CCBE1: variants seen among roughly 807,000 people sequenced by gnomAD.
CCBE1 encodes collagen and calcium-binding EGF domain-containing protein 1.
Under a neutral mutation model 50.0 loss-of-function variants are expected in CCBE1, and 37 were observed. The observed-to-expected ratio is 0.74, with a 90% confidence interval of 0.57 to 0.97. CCBE1 has a LOEUF of 0.97. Ranked by LOEUF, CCBE1 falls within the 50% of genes least tolerant of loss-of-function variation. The pLI is 0.00. For missense variants in CCBE1, 538 were observed against 523.8 expected (o/e 1.03, Z -0.26); for synonymous variants, 234 against 203.7 (o/e 1.15, Z -1.27).
chr18:59,543,291 C>T (rs1915540809), intron 2 of CCBE1, among the ~76,000 whole-genome samples: 1 of 152,150 alleles, frequency 6.6e-6, no homozygotes, highest in Non-Finnish European at 1.5e-5. Flanking sequence ...GAATTCTGTG[C>T]CAGGCCTCTG....
At chr18:59,659,713 C>T (rs142222751) in intron 2 of CCBE1, among the ~76,000 whole-genome samples, 2 of 152,140 alleles carry the variant, frequency 1.3e-5, no homozygotes, top group East Asian at 1.9e-4. Flanking sequence ...CCCAGTGACA[C>T]GTAGCTATGT....
intron 2 of CCBE1, among the ~76,000 whole-genome samples, chr18:59,569,437 C>T (rs2052875579): frequency 6.6e-6 from 1 of 152,144 alleles, no homozygotes; most frequent in Non-Finnish European, 1.5e-5. Flanking sequence ...TCATCAATTC[C>T]TTTATTTTTT....
chr18:59,519,581 A>C (rs1235796921), intron 2 of CCBE1, among the ~76,000 whole-genome samples: 1 of 152,230 alleles, frequency 6.6e-6, no homozygotes, highest in Non-Finnish European at 1.5e-5. Context: ...ATCCTTTGTC[A>C]GATGAATAGA....
At chr18:59,697,427 C>T, upstream of CCBE1, 5 of 1,496,304 alleles carry the variant, frequency 3.3e-6, 1 homozygote, top group South Asian at 6.4e-5. Context: ...CGCCTTCCCT[C>T]TTCCCGGCAG....
chr18:59,579,669 C>T (rs1599031041), intron 2 of CCBE1, among the ~76,000 whole-genome samples: 1 of 152,212 alleles, frequency 6.6e-6, no homozygotes, highest in Non-Finnish European at 1.5e-5. Flanking sequence ...ATGGTGGCAG[C>T]CACCTGCCTG....
chr18:59,585,235 C>G (rs974916557), intron 2 of CCBE1, among the ~76,000 whole-genome samples: 1 of 152,158 alleles, frequency 6.6e-6, no homozygotes, highest in Non-Finnish European at 1.5e-5. Flanking sequence ...GATGCCACCT[C>G]TACTCCCAAG....
chr18:59,466,251 G>A (rs1008627578), intron 5 of CCBE1, among the ~76,000 whole-genome samples: 1 of 151,858 alleles, frequency 6.6e-6, no homozygotes, highest in Admixed American at 6.6e-5. Context: ...ATTGAATCAT[G>A]GGGGCAGGTC....
chr18:59,503,298 G>C (rs949976341), intron 2 of CCBE1, among the ~76,000 whole-genome samples: 2 of 152,214 alleles, frequency 1.3e-5, no homozygotes, highest in African/African-American at 4.8e-5. Context: ...TACCATTTAC[G>C]TAGTGCATGT....
chr18:59,629,499 A>G (rs893148221), intron 2 of CCBE1, among the ~76,000 whole-genome samples: 10 of 152,108 alleles, frequency 6.6e-5, no homozygotes, highest in African/African-American at 2.4e-4. Flanking sequence ...TTCCTCAACC[A>G]CTGGACTTTT....
intron 2 of CCBE1, among the ~76,000 whole-genome samples, chr18:59,583,881 A>C (rs2144517521): frequency 6.6e-6 from 1 of 152,296 alleles, no homozygotes; most frequent in African/African-American, 2.4e-5. Flanking sequence ...GAGAAACAGC[A>C]ACACTTTTAC....
At chr18:59,489,640 T>C (rs1912997890) in intron 2 of CCBE1, among the ~76,000 whole-genome samples, 1 of 152,284 alleles carries the variant, frequency 6.6e-6, no homozygotes, top group South Asian at 2.1e-4. Flanking sequence ...CTCGAACTCC[T>C]GACATCAAGT....
intron 2 of CCBE1, among the ~76,000 whole-genome samples, chr18:59,605,442 C>T (rs1399977312): frequency 2.6e-5 from 4 of 152,122 alleles, no homozygotes; most frequent in Non-Finnish European, 4.4e-5. Context: ...CTCACCCTAC[C>T]AGGAGAAGGG....
intron 2 of CCBE1, among the ~76,000 whole-genome samples, chr18:59,570,991 G>A (rs2052904767): frequency 6.6e-6 from 1 of 152,174 alleles, no homozygotes; most frequent in East Asian, 1.9e-4. Flanking sequence ...TCCATCACAA[G>A]AGTAAGTCGA....
In CCBE1 at chr18:59,442,420, G is replaced by A. The variant is rs550370009; in HGVS notation, c.776-2604C>T. On this transcript the variant is annotated intron_variant, in intron 7 of 10. Coordinates refer to ENST00000439986, the MANE Select transcript of CCBE1 (RefSeq NM_133459.4). Reference sequence around the variant, plus strand: ...CTGTTTATGTGTATCATTTTCTTCCGAGCATTCTTAACATTTAAAAATTGG... The same window carrying A: ...CTGTTTATGTGTATCATTTTCTTCCAAGCATTCTTAACATTTAAAAATTGG... Among the ~76,000 whole-genome samples the A allele has an allele frequency of 9.2e-5, 14 of 152,108 alleles. No homozygotes were observed. In the East Asian group the frequency reaches 1.9e-3, roughly 21 times the overall value.
chr18:59,553,609 T>A (rs1189735666), intron 2 of CCBE1, among the ~76,000 whole-genome samples: 1 of 152,198 alleles, frequency 6.6e-6, no homozygotes, highest in Non-Finnish European at 1.5e-5. Context: ...GGAAAGAGGA[T>A]GAAGTTTTGT....
chr18:59,639,114 A>C lies in CCBE1; in HGVS notation c.212+57515T>G, dbSNP rs553953762. 1.8e-4 allele frequency among the ~76,000 whole-genome samples: 28 copies of C among 152,278 alleles called. 2 individuals carry two copies. The highest frequency in any genetic ancestry group is 6.5e-4 in the African/African-American group (27 of 41,566). The stretch of plus-strand genomic sequence containing the variant: ...CATGGCAAAACTTTGTCTCTAAAAA[A>C]ATTGAAAAATAAGCCAGGCATGGTG... On this transcript the variant is annotated intron_variant, in intron 2 of 10. Coordinates refer to ENST00000439986, the MANE Select transcript of CCBE1 (RefSeq NM_133459.4).
chr18:59,693,933 G>A lies in CCBE1; in HGVS notation c.212+2696C>T, dbSNP rs540031844. Among the ~76,000 whole-genome samples, 319 of 138,354 alleles carry A rather than the reference G, an allele frequency of 2.3e-3. 1 individual carries two copies. Among genetic ancestry groups the A allele is most frequent in the African/African-American group, 8.2e-3 (304 of 37,034 alleles). The allele number at this position is 138,354 out of a possible 152,430, so 90.8% of individuals were successfully genotyped here. ...TGTCACCAGACTGGAATGCAGTGGC[G>A]AGATCTCAGCTCACTGCAACCTCCG... On this transcript the variant is annotated intron_variant, in intron 2 of 10. Coordinates refer to ENST00000439986, the MANE Select transcript of CCBE1 (RefSeq NM_133459.4).
At chr18:59,464,697 G>C (rs1255850598) in intron 5 of CCBE1, among the ~76,000 whole-genome samples, 3 of 152,222 alleles carry the variant, frequency 2.0e-5, no homozygotes, top group African/African-American at 7.2e-5. Flanking sequence ...CCAGTTGCTT[G>C]TCAGAATTTC....
intron 7 of CCBE1, among the ~76,000 whole-genome samples, chr18:59,443,289 G>A (rs950123471): frequency 6.6e-6 from 1 of 152,176 alleles, no homozygotes; most frequent in Non-Finnish European, 1.5e-5. Context: ...GACTCTAGCG[G>A]ACACCTTGCT....
Sources: allele counts gnomAD v4.1 joint callset (sites outside exome capture counted in the v4.1 genomes callset), GRCh38; gene constraint gnomAD v4.1.1; transcripts MANE v1.5; gene names NCBI Gene and HGNC (gene_info 2026-07-23, HGNC 2026-07-21).